MYO10: variants seen among roughly 807,000 people sequenced by gnomAD.
MYO10 encodes the protein myosin X, also known as unconventional myosin-X.
MYO10 carries 133 observed loss-of-function variants against 257.3 expected under a neutral mutation model. The ratio of observed to expected loss-of-function variants is 0.52; its 90% CI spans 0.45 to 0.60. The LOEUF is 0.60. Among genes scored for constraint, MYO10 ranks in the 20% least tolerant of loss-of-function variants. The pLI is 0.00. For missense variants in MYO10, 2,399 were observed against 2,635.7 expected (o/e 0.91, Z 1.97); for synonymous variants, 1,104 against 1,028.6 (o/e 1.07, Z -1.40).
At chr5:16,765,003 A>G (rs1032334684) in intron 11 of MYO10, among the ~76,000 whole-genome samples, 2 of 152,150 alleles carry the variant, frequency 1.3e-5, no homozygotes, top group African/African-American at 4.8e-5. Flanking sequence ...GTTTAAAACA[A>G]TAATTAAGAT....
At chr5:16,805,475 A>AAG (rs1553998219) in intron 3 of MYO10, among the ~76,000 whole-genome samples, 16 of 145,590 alleles carry the variant, frequency 1.1e-4, no homozygotes, top group African/African-American at 3.3e-4. Context: ...AAAAAAAAAA[A>AAG]AAAAAGAAAA....
chr5:16,822,525 C>T (rs1742851755), intron 2 of MYO10, among the ~76,000 whole-genome samples: 1 of 152,066 alleles, frequency 6.6e-6, no homozygotes, highest in Admixed American at 6.6e-5. Flanking sequence ...GTTATAATTA[C>T]ATCAGGTATT....
At chr5:16,680,562 G>A (rs752621189) in intron 32 of MYO10, among the ~76,000 whole-genome samples, 18 of 152,070 alleles carry the variant, frequency 1.2e-4, no homozygotes, top group Non-Finnish European at 2.2e-4. Flanking sequence ...TGTCCGAACC[G>A]TCACCCAAAC....
intron 9 of MYO10, among the ~76,000 whole-genome samples, chr5:16,774,414 TATTTATTTTTTTA>T (rs1741152499): frequency 6.6e-6 from 1 of 152,122 alleles, no homozygotes; most frequent in Admixed American, 6.6e-5. Context: ...GTTACTTATT[TATTTATTTTTTTA>T]ATTTATTTTT....
intron 2 of MYO10, among the ~76,000 whole-genome samples, chr5:16,821,004 A>AG (rs1742784045): frequency 6.8e-6 from 1 of 147,564 alleles, no homozygotes; most frequent in African/African-American, 2.5e-5. Context: ...TTATATCTTA[A>AG]GATACCTTAT....
Position 16,852,346 on chromosome 5 carries a change from T to C in MYO10, c.120+25263A>G, listed in dbSNP as rs79931795. ...GCAAAGGGGCTTAATCGTAGATGTA[T>C]AGAAAAAGTTCTTCTCCCCATGCAT... is the stretch of plus-strand genomic sequence containing the variant. On this transcript the variant is annotated intron_variant, in intron 2 of 40. Transcript: ENST00000513610. Among the ~76,000 whole-genome samples, 1,164 of 152,186 alleles carry C rather than the reference T, an allele frequency of 7.6e-3. 20 individuals carry two copies. The highest frequency in any genetic ancestry group is 0.026 in the African/African-American group (1,100 of 41,534).
At chr5:16,680,380 C>T (rs1736936606) in intron 32 of MYO10, among the ~76,000 whole-genome samples, 1 of 152,140 alleles carries the variant, frequency 6.6e-6, no homozygotes, top group East Asian at 1.9e-4. Flanking sequence ...ATAACTGGCT[C>T]TGGAAGGGAA....
intron 23 of MYO10, 105 bp from the exon 24 acceptor site, chr5:16,702,693 G>C (rs1331761158): frequency 8.8e-7 from 1 of 1,130,228 alleles, no homozygotes; most frequent in East Asian, 2.6e-5. Context: ...CAGAAAGCAT[G>C]AAAGACAGAG....
At chr5:16,682,161 G>A (rs892405970) in intron 30 of MYO10, 148 bp from the exon 31 acceptor site, 86 of 960,242 alleles carry the variant, frequency 9.0e-5, no homozygotes, top group Non-Finnish European at 1.2e-4. Context: ...TAAGGCAAAC[G>A]TTGCTCATTT....
In MYO10 at chr5:16,686,564, G is replaced by A. The variant is rs1345106401; in HGVS notation, c.3897-733C>T. On this transcript the variant is annotated intron_variant, in intron 28 of 40. Coordinates refer to ENST00000513610, the MANE Select transcript of MYO10 (RefSeq NM_012334.3). ...ATTTTTTTTTTTTATGAGATGGAAT[G>A]TGTCTTCTTGCCCAAGCTGGAGTAC... Among the ~76,000 whole-genome samples, 3 of 151,632 alleles carry A rather than the reference G, an allele frequency of 2.0e-5. No homozygotes were observed. In the East Asian group the frequency reaches 5.8e-4, roughly 29 times the overall value.
At chr5:16,790,331 T>C (rs529042909) in intron 4 of MYO10, among the ~76,000 whole-genome samples, 63 of 152,230 alleles carry the variant, frequency 4.1e-4, no homozygotes, top group South Asian at 1.7e-3. Context: ...AAAGATGAAT[T>C]AGCCACAGGC....
intron 1 of MYO10, among the ~76,000 whole-genome samples, chr5:16,935,368 T>C (rs1746405890): frequency 6.6e-6 from 1 of 152,130 alleles, no homozygotes; most frequent in Non-Finnish European, 1.5e-5. Context: ...CCCGCACGTT[T>C]TGCAAAGGAA....
intron 19 of MYO10, among the ~76,000 whole-genome samples, chr5:16,721,402 TAA>T (rs945657308): frequency 6.6e-6 from 1 of 152,144 alleles, no homozygotes; most frequent in African/African-American, 2.4e-5. Flanking sequence ...AGAAGGTAAA[TAA>T]AAGTCACTTC....
intron 19 of MYO10, among the ~76,000 whole-genome samples, chr5:16,730,639 C>T (rs1336937906): frequency 6.6e-6 from 1 of 152,198 alleles, no homozygotes; most frequent in East Asian, 1.9e-4. Flanking sequence ...GGGGCAGTGT[C>T]AAGTTCAAGC....
At chr5:16,767,941 G>C (rs1740927761) in intron 10 of MYO10, among the ~76,000 whole-genome samples, 1 of 152,096 alleles carries the variant, frequency 6.6e-6, no homozygotes. Flanking sequence ...TCCTCCCAAA[G>C]TGCTAGGATT....
chr5:16,835,019 C>T (rs1341560631), intron 2 of MYO10, among the ~76,000 whole-genome samples: 1 of 151,158 alleles, frequency 6.6e-6, no homozygotes, highest in African/African-American at 2.4e-5. Context: ...ACTAACAATA[C>T]AAAAATTAGG....
intron 2 of MYO10, among the ~76,000 whole-genome samples, chr5:16,844,954 G>GCGCA (rs1016464661): frequency 7.0e-6 from 1 of 142,310 alleles, no homozygotes; most frequent in African/African-American, 2.7e-5. Flanking sequence ...ACACACACAC[G>GCGCA]CACACACACA....
intron 1 of MYO10, among the ~76,000 whole-genome samples, chr5:16,901,991 C>T (rs143745825): frequency 6.6e-6 from 1 of 152,344 alleles, no homozygotes; most frequent in East Asian, 1.9e-4. Flanking sequence ...AGAAGTCTAA[C>T]ACAGCGTTCT....
At chr5:16,860,180 AG>A (rs572038203) in intron 2 of MYO10, among the ~76,000 whole-genome samples, 144 of 152,276 alleles carry the variant, frequency 9.5e-4, no homozygotes, top group African/African-American at 3.4e-3. Context: ...GCCATAAGAA[AG>A]GGGGAGAAAA....
Sources: allele counts gnomAD v4.1 joint callset (sites outside exome capture counted in the v4.1 genomes callset), GRCh38; gene constraint gnomAD v4.1.1; transcripts MANE v1.5; gene names NCBI Gene and HGNC (gene_info 2026-07-23, HGNC 2026-07-21).